The following MACROD2 variants were observed in gnomAD, a reference collection of about 807,000 sequenced individuals.
MACROD2 encodes the protein mono-ADP ribosylhydrolase 2, also known as ADP-ribose glycohydrolase MACROD2.
Under a neutral mutation model 70.4 loss-of-function variants are expected in MACROD2, and 36 were observed. The observed-to-expected ratio is 0.51, with a 90% CI of 0.39 to 0.68. MACROD2 has a LOEUF of 0.68. MACROD2 is among the 30% of genes least tolerant of loss of function. MACROD2 has a pLI of 0.00. For missense variants in MACROD2, 496 were observed against 538.4 expected (o/e 0.92, Z 0.78); for synonymous variants, 172 against 178.8 (o/e 0.96, Z 0.30).
At chr20:15,146,997 C>T (rs746024764) in intron 5 of MACROD2, among the ~76,000 whole-genome samples, 2 of 152,084 alleles carry the variant, frequency 1.3e-5, no homozygotes, top group Non-Finnish European at 2.9e-5. Flanking sequence ...ATTTATGGAG[C>T]AGTACTGGCC....
At chr20:15,638,809 A>G (rs1329174690) in intron 8 of MACROD2, among the ~76,000 whole-genome samples, 2 of 152,210 alleles carry the variant, frequency 1.3e-5, no homozygotes, top group Non-Finnish European at 1.5e-5. Flanking sequence ...TCACGGTTCA[A>G]GAGTTGATAA....
At chr20:14,710,206 C>A (rs185409656) in intron 5 of MACROD2, among the ~76,000 whole-genome samples, 50 of 152,168 alleles carry the variant, frequency 3.3e-4, no homozygotes, top group Non-Finnish European at 1.8e-4. Context: ...GCAGAGATTT[C>A]AGTTATATTT....
chr20:14,274,823 A>C (rs1432969960), intron 3 of MACROD2, among the ~76,000 whole-genome samples: 2 of 151,370 alleles, frequency 1.3e-5, no homozygotes, highest in East Asian at 3.9e-4. Flanking sequence ...ATCAATGTAC[A>C]AAAATCACAA....
chr20:15,642,642 G>A (rs575986834), intron 8 of MACROD2, among the ~76,000 whole-genome samples: 1 of 143,550 alleles, frequency 7.0e-6, no homozygotes, highest in Non-Finnish European at 1.5e-5. Context: ...ACACACACAC[G>A]TGTGCATGCA....
chr20:15,386,849 T>G (rs2045720272), intron 6 of MACROD2, among the ~76,000 whole-genome samples: 1 of 152,218 alleles, frequency 6.6e-6, no homozygotes, highest in African/African-American at 2.4e-5. Context: ...AAGTATTTAA[T>G]TTATCCCTTG....
At chr20:14,597,682 C>G (rs1057469215) in intron 4 of MACROD2, among the ~76,000 whole-genome samples, 3 of 152,122 alleles carry the variant, frequency 2.0e-5, no homozygotes, top group Admixed American at 1.3e-4. Context: ...ATAATTAGCT[C>G]AACTTGCCTT....
At chr20:14,964,551 C>T (rs978781455) in intron 5 of MACROD2, among the ~76,000 whole-genome samples, 49 of 149,984 alleles carry the variant, frequency 3.3e-4, no homozygotes, top group Middle Eastern at 3.4e-3. Flanking sequence ...TCAGCCTGGG[C>T]GACAGAGCAA....
At chr20:15,678,006 A>G (rs2050092226) in intron 8 of MACROD2, among the ~76,000 whole-genome samples, 1 of 152,078 alleles carries the variant, frequency 6.6e-6, no homozygotes, top group East Asian at 1.9e-4. Flanking sequence ...TGGAGGTTGC[A>G]GTGAGCCAAG....
At chr20:15,192,041 T>G (rs1013033423) in intron 5 of MACROD2, among the ~76,000 whole-genome samples, 12 of 151,618 alleles carry the variant, frequency 7.9e-5, no homozygotes, top group Admixed American at 2.0e-4. Flanking sequence ...TATCTATCTA[T>G]CTATCTATCT....
chr20:15,402,184 C>G (rs1339909061), intron 6 of MACROD2, among the ~76,000 whole-genome samples: 2 of 151,986 alleles, frequency 1.3e-5, no homozygotes, highest in African/African-American at 4.8e-5. Flanking sequence ...AATTACATTT[C>G]CTGGGGTTCT....
At chr20:15,769,715 G>A (rs1159232939) in intron 8 of MACROD2, among the ~76,000 whole-genome samples, 1 of 152,042 alleles carries the variant, frequency 6.6e-6, no homozygotes, top group African/African-American at 2.4e-5. Context: ...TCATTATATG[G>A]CACATGACTA....
chr20:14,586,570 T>C (rs1302013052), intron 4 of MACROD2, among the ~76,000 whole-genome samples: 1 of 152,070 alleles, frequency 6.6e-6, no homozygotes, highest in East Asian at 1.9e-4. Context: ...GCTTTCTCTG[T>C]AGTTAACTGA....
At position 14,664,486 on chromosome 20, in the gene MACROD2, T is replaced by G. The variant is rs73899236; in HGVS notation, c.302-20357T>G. On this transcript the variant is annotated intron_variant, in intron 4 of 17. Coordinates refer to ENST00000684519, the MANE Select transcript of MACROD2 (RefSeq NM_001351661.2). ...TCTTTTTTTTAGGCATGTAATAACA[T>G]TAGAAGATTTACTTTGGAACTTGTT... Among the ~76,000 whole-genome samples, 444 of 152,188 alleles carry G rather than the reference T, an allele frequency of 2.9e-3. 3 individuals carry two copies. Among genetic ancestry groups the G allele is most frequent in the African/African-American group, 0.01 (426 of 41,544 alleles).
At chr20:15,307,073 C>T (rs1033479438) in intron 6 of MACROD2, among the ~76,000 whole-genome samples, 3 of 152,096 alleles carry the variant, frequency 2.0e-5, no homozygotes, top group African/African-American at 7.2e-5. Flanking sequence ...AGGCACCCCA[C>T]CCCATGACCC....
intron 12 of MACROD2, among the ~76,000 whole-genome samples, chr20:15,943,595 G>A (rs1384365623): frequency 6.6e-5 from 10 of 152,128 alleles, no homozygotes; most frequent in Non-Finnish European, 2.9e-5. Context: ...GATACATTGA[G>A]TGTCTCCTGT....
intron 5 of MACROD2, among the ~76,000 whole-genome samples, chr20:14,718,929 A>T (rs937020651): frequency 1.3e-5 from 2 of 152,218 alleles, no homozygotes; most frequent in Non-Finnish European, 2.9e-5. Flanking sequence ...TACACATTTT[A>T]TAAGTTAAAA....
At chr20:14,251,268 C>G (rs76804159) in intron 3 of MACROD2, among the ~76,000 whole-genome samples, 1 of 152,036 alleles carries the variant, frequency 6.6e-6, no homozygotes, top group Non-Finnish European at 1.5e-5. Flanking sequence ...TCTTGGAAAA[C>G]GTTCGATAAA....
At chr20:15,325,414 T>C (rs541805415) in intron 6 of MACROD2, among the ~76,000 whole-genome samples, 2 of 152,312 alleles carry the variant, frequency 1.3e-5, no homozygotes, top group South Asian at 2.1e-4. Context: ...CTCCCCATCA[T>C]GTTAAATCCT....
intron 15 of MACROD2, among the ~76,000 whole-genome samples, chr20:16,013,205 G>C (rs756299382): frequency 6.6e-6 from 1 of 152,044 alleles, no homozygotes; most frequent in Non-Finnish European, 1.5e-5. Context: ...AGAAAGTTAC[G>C]TTAGTTATCA....
Sources: allele counts gnomAD v4.1 joint callset (sites outside exome capture counted in the v4.1 genomes callset), GRCh38; gene constraint gnomAD v4.1.1; transcripts MANE v1.5; gene names NCBI Gene and HGNC (gene_info 2026-07-23, HGNC 2026-07-21).